Variants in CYP39A1 observed in about 807,000 individuals in gnomAD.
CYP39A1 encodes cytochrome P450 family 39 subfamily A member 1, also known as 24-hydroxycholesterol 7-alpha-hydroxylase.
CYP39A1 carries 49 observed loss-of-function variants against 58.1 expected under a neutral mutation model. The observed-to-expected ratio is 0.84, with a 90% CI of 0.67 to 1.07. The LOEUF is 1.07. CYP39A1 is among the 50% of genes least tolerant of loss of function. CYP39A1 has a pLI of 0.00. For synonymous variants in CYP39A1, 209 were observed against 187.6 expected (o/e 1.11, Z -0.93); for missense variants, 531 against 539.4 (o/e 0.98, Z 0.16).
Position 46,591,459 on chromosome 6 carries a change from T to C in CYP39A1, c.1066-3330A>G, listed in dbSNP as rs550858415. ...TCCTTTTTGTGGCTTCATTGATTAA[T>C]CTTAAAATCAGGCAGTCCTCTTCTT... On this transcript the variant is annotated intron_variant, in intron 8 of 11. Coordinates refer to ENST00000275016, the MANE Select transcript of CYP39A1 (RefSeq NM_016593.5). Among the ~76,000 whole-genome samples, 244 of 152,226 alleles carry C rather than the reference T, an allele frequency of 1.6e-3. 1 individual carries two copies. Among genetic ancestry groups the C allele is most frequent in the South Asian group, 5.4e-3 (26 of 4,830 alleles).
chr6:46,621,518 G>C (rs1465884936), intron 7 of CYP39A1, among the ~76,000 whole-genome samples: 2 of 152,190 alleles, frequency 1.3e-5, no homozygotes, highest in Admixed American at 1.3e-4. Context: ...AAAATGGATT[G>C]TGTGGAACAC....
chr6:46,641,326 G>T (rs1309476032), intron 2 of CYP39A1, among the ~76,000 whole-genome samples: 1 of 152,020 alleles, frequency 6.6e-6, no homozygotes, highest in Non-Finnish European at 1.5e-5. Context: ...TCACCAACAG[G>T]TTGTGATGAT....
At chr6:46,647,897 G>A (rs377708800) in intron 1 of CYP39A1, among the ~76,000 whole-genome samples, 1 of 151,988 alleles carries the variant, frequency 6.6e-6, no homozygotes, top group East Asian at 1.9e-4. Context: ...TGAATAGATT[G>A]CAAAAATTTT....
intron 10 of CYP39A1, among the ~76,000 whole-genome samples, chr6:46,556,461 A>G (rs1770669313): frequency 6.6e-6 from 1 of 152,218 alleles, no homozygotes; most frequent in Non-Finnish European, 1.5e-5. Flanking sequence ...TTGGCAGAGT[A>G]CTGATCTCTG....
At position 46,637,844 on chromosome 6, in the gene CYP39A1, G is replaced by C. The variant is rs1776082131; in HGVS notation, c.623C>G (p.Pro208Arg). ...DEDFEYGSQL[P>R]ECLLRNWSKS... ...CAACTGTTACCTTAGAAGACACTCT[G>C]GCAACTGGGACCCATACTCAAAATC... The change falls in exon 4 of 12, where the codon CCA becomes CGA. Residue 208 changes from proline to arginine, a missense_variant. Transcript: ENST00000275016. 1 of 1,612,248 alleles carries C rather than the reference G, an allele frequency of 6.2e-7. No individual in the cohort carries two copies. Among genetic ancestry groups the C allele is most frequent in the African/African-American group, 1.3e-5 (1 of 74,758 alleles).
intron 10 of CYP39A1, among the ~76,000 whole-genome samples, chr6:46,558,539 T>C (rs1008523003): frequency 1.3e-5 from 2 of 152,084 alleles, no homozygotes; most frequent in African/African-American, 4.8e-5. Flanking sequence ...AATGTGGAGA[T>C]TATAATTCAA....
chr6:46,649,939 T>C (rs1762567070), intron 1 of CYP39A1, among the ~76,000 whole-genome samples: 1 of 151,834 alleles, frequency 6.6e-6, no homozygotes, highest in Non-Finnish European at 1.5e-5. Flanking sequence ...AATGATGGAG[T>C]TTTAGAAGTT....
intron 10 of CYP39A1, among the ~76,000 whole-genome samples, chr6:46,573,062 T>C (rs889054773): frequency 9.2e-5 from 14 of 152,112 alleles, no homozygotes; most frequent in African/African-American, 3.4e-4. Flanking sequence ...TATATTGTTG[T>C]TATGATTGAT....
rs904094089 is a variant in CYP39A1 at position 46,583,584 on chromosome 6, G to A, written c.1250+3493C>T. 11 of 985,266 alleles carry A rather than the reference G, an allele frequency of 1.1e-5. No homozygotes were observed. In the East Asian group the frequency reaches 8.0e-4, roughly 71 times the overall value. 61.0% of individuals were successfully genotyped at this position (985,266 alleles called of 1,614,324 possible). On this transcript the variant is annotated intron_variant, in intron 10 of 11. Coordinates refer to ENST00000275016, the MANE Select transcript of CYP39A1 (RefSeq NM_016593.5). Reference sequence around the variant, plus strand: ...GCTGCTCTTTCCTGTTTGTTTTTCTGAAACAAAACAAAACAGAAATAAATC... The same window carrying A: ...GCTGCTCTTTCCTGTTTGTTTTTCTAAAACAAAACAAAACAGAAATAAATC...
At chr6:46,651,166 T>C (rs932484359) in intron 1 of CYP39A1, among the ~76,000 whole-genome samples, 5 of 152,238 alleles carry the variant, frequency 3.3e-5, no homozygotes, top group Non-Finnish European at 5.9e-5. Context: ...ATTCTACTCC[T>C]AGGAATTTAT....
At chr6:46,650,657 C>T (rs1216499865) in intron 1 of CYP39A1, among the ~76,000 whole-genome samples, 1 of 146,434 alleles carries the variant, frequency 6.8e-6, no homozygotes, top group Non-Finnish European at 1.5e-5. Context: ...GCATGTGCCA[C>T]TGGACCAGAT....
At chr6:46,551,990 A>C (rs1770422083) in intron 11 of CYP39A1, among the ~76,000 whole-genome samples, 1 of 152,242 alleles carries the variant, frequency 6.6e-6, no homozygotes, top group South Asian at 2.1e-4. Flanking sequence ...TTCTTTAAAA[A>C]GTGTTCTCAG....
chr6:46,565,472 GAAAAGAAGAAAACATAAAA>G (rs1389253776), intron 10 of CYP39A1, among the ~76,000 whole-genome samples: 2 of 149,942 alleles, frequency 1.3e-5, no homozygotes, highest in African/African-American at 5.0e-5. Flanking sequence ...GAATGAGAAG[GAAAAGAAGAAAACATAAAA>G]AAAAGAAGAA....
At chr6:46,553,876 G>A (rs749828392) in intron 10 of CYP39A1, 22 bp from the exon 11 acceptor site, 1 of 1,469,198 alleles carries the variant, frequency 6.8e-7, no homozygotes, top group Non-Finnish European at 9.4e-7. Context: ...GAATAAAATT[G>A]TTACTTGATT....
At chr6:46,631,437 A>C (rs778017338) in intron 5 of CYP39A1, among the ~76,000 whole-genome samples, 3 of 152,176 alleles carry the variant, frequency 2.0e-5, no homozygotes, top group Non-Finnish European at 4.4e-5. Context: ...AGTACCTAAA[A>C]AGTGCTTAAA....
intron 7 of CYP39A1, among the ~76,000 whole-genome samples, chr6:46,610,668 T>C (rs1207573179): frequency 6.6e-6 from 1 of 152,172 alleles, no homozygotes; most frequent in Non-Finnish European, 1.5e-5. Context: ...TTTTTATTTA[T>C]AATCACAGTT....
At position 46,602,377 on chromosome 6, in the gene CYP39A1, C is replaced by T. The variant is rs560053720; in HGVS notation, c.932-6257G>A. ...AAATCTTAAGCATGCATCAGCATCA[C>T]GTGGAAGGCTTGTGAAAACACAGAT... On this transcript the variant is annotated intron_variant, in intron 7 of 11. Coordinates refer to ENST00000275016, the MANE Select transcript of CYP39A1 (RefSeq NM_016593.5). Among the ~76,000 whole-genome samples the T allele has an allele frequency of 9.3e-4, 141 of 152,228 alleles. 2 individuals carry two copies. The South Asian group carries it at 0.025, about 27-fold the overall frequency.
intron 8 of CYP39A1, 144 bp downstream of exon 8, chr6:46,595,843 A>G (rs1375682731): frequency 1.3e-6 from 1 of 783,932 alleles, no homozygotes; most frequent in Non-Finnish European, 2.0e-6. Flanking sequence ...TTTCAAAACC[A>G]CATGTTGTAC....
At chr6:46,652,307 T>C in intron 1 of CYP39A1, 99 bp downstream of exon 1, 1 of 1,177,218 alleles carries the variant, frequency 8.5e-7, no homozygotes. Context: ...AGCAGGTATG[T>C]TCCCCGTGTT....
Sources: allele counts gnomAD v4.1 joint callset (sites outside exome capture counted in the v4.1 genomes callset), GRCh38; gene constraint gnomAD v4.1.1; transcripts MANE v1.5; gene names NCBI Gene and HGNC (gene_info 2026-07-23, HGNC 2026-07-21).